Variants in NEK7 observed in about 807,000 individuals in gnomAD.
The protein encoded by NEK7 is serine/threonine-protein kinase Nek7.
Under a neutral mutation model 44.6 loss-of-function variants are expected in NEK7, and 18 were observed. That is an observed-to-expected ratio of 0.40 (90% CI 0.28 to 0.60). NEK7 has a LOEUF of 0.60. Ranked by LOEUF, NEK7 falls within the 20% of genes least tolerant of loss-of-function variation. The pLI is 0.38. For missense variants in NEK7, 256 were observed against 366.5 expected (o/e 0.70, Z 2.46); for synonymous variants, 130 against 121.1 (o/e 1.07, Z -0.48).
chr1:198,157,778 G>A (rs1663959921), intron 1 of NEK7, among the ~76,000 whole-genome samples: 1 of 152,198 alleles, frequency 6.6e-6, no homozygotes, highest in Non-Finnish European at 1.5e-5. Context: ...GGGAGAATCC[G>A]AAGTGGCTTC....
intron 1 of NEK7, among the ~76,000 whole-genome samples, chr1:198,164,380 G>C (rs1037565707): frequency 6.6e-6 from 1 of 152,128 alleles, no homozygotes; most frequent in African/African-American, 2.4e-5. Flanking sequence ...CTATTTGGGG[G>C]ACCCTAGAAC....
chr1:198,206,935 A>G (rs537766547), intron 1 of NEK7: 1 of 152,304 alleles, frequency 6.6e-6, no homozygotes, highest in East Asian at 1.9e-4. Flanking sequence ...TGGCATTTAT[A>G]TGCTTTCAGC....
At chr1:198,279,769 A>C (rs1404901852) in intron 7 of NEK7, among the ~76,000 whole-genome samples, 1 of 152,014 alleles carries the variant, frequency 6.6e-6, no homozygotes, top group Non-Finnish European at 1.5e-5. Context: ...CAAATGAGTT[A>C]TACTAAATAA....
At chr1:198,220,412 A>G (rs1172977978) in intron 1 of NEK7, among the ~76,000 whole-genome samples, 1 of 152,068 alleles carries the variant, frequency 6.6e-6, no homozygotes, top group East Asian at 1.9e-4. Context: ...GTATTAGGTT[A>G]GTTTAATGTG....
In NEK7 at chr1:198,241,504, T is replaced by C. The variant is rs1006601548; in HGVS notation, c.57+8867T>C. 3.3e-5 allele frequency among the ~76,000 whole-genome samples: 5 copies of C among 152,172 alleles called. No individual in the cohort carries two copies. The East Asian group carries it at 5.8e-4, about 18-fold the overall frequency. ...TTAATTTTAGAACCAATAAATGGAA[T>C]GATAAATCAGATTACCTGGAGTGAG... On this transcript the variant is annotated intron_variant, in intron 2 of 9. Transcript: ENST00000367385.
intron 9 of NEK7, among the ~76,000 whole-genome samples, chr1:198,309,843 T>C (rs2103032801): frequency 6.6e-6 from 1 of 152,344 alleles, no homozygotes; most frequent in Middle Eastern, 3.4e-3. Flanking sequence ...CAGTCTATCA[T>C]TGTTGGACAT....
At position 198,218,314 on chromosome 1, in the gene NEK7, T is replaced by A. The variant is rs1665985416; in HGVS notation, c.-28-14239T>A. On this transcript the variant is annotated intron_variant, in intron 1 of 9. Coordinates refer to ENST00000367385, the MANE Select transcript of NEK7 (RefSeq NM_133494.3). ...CGACAAAGAATACAAAAACATAAAT[T>A]GGGAAATAGACACCCTATTTGATAA... Among the ~76,000 whole-genome samples, 5 of 152,058 alleles carry A rather than the reference T, an allele frequency of 3.3e-5. No homozygotes were observed. The South Asian group carries it at 1.0e-3, about 32-fold the overall frequency.
chr1:198,279,573 TC>T (rs1339984247), intron 7 of NEK7, among the ~76,000 whole-genome samples: 1 of 151,920 alleles, frequency 6.6e-6, no homozygotes, highest in Non-Finnish European at 1.5e-5. Context: ...TTATATATTC[TC>T]CTTGTAAATA....
rs888312634 is a variant in NEK7, at chr1:198,157,294, G to A, written c.-29+18G>A. 6.6e-6 allele frequency: 1 copy of A among 152,118 alleles called. No homozygotes were observed. Among genetic ancestry groups the A allele is most frequent in the Non-Finnish European group, 1.5e-5 (1 of 68,020 alleles). The allele number at this position is 152,118 out of a possible 1,614,324, so 9.4% of individuals were successfully genotyped here. On this transcript the variant is annotated intron_variant, in intron 1 of 9. Coordinates refer to ENST00000367385, the MANE Select transcript of NEK7 (RefSeq NM_133494.3). ...ACTTCCTGGTGAGTCGCTGCCCAGGGTTCAGGCGCCCGGACCGGGCAGCTC... is the reference window on the plus strand; with the variant it reads ...ACTTCCTGGTGAGTCGCTGCCCAGGATTCAGGCGCCCGGACCGGGCAGCTC...
chr1:198,228,532 CTT>C (rs200235719), intron 1 of NEK7, among the ~76,000 whole-genome samples: 28,987 of 151,014 alleles, frequency 0.19, 2,903 homozygotes, highest in African/African-American at 0.3. Flanking sequence ...TTTGTATCCT[CTT>C]TTATTTCATT....
intron 9 of NEK7, among the ~76,000 whole-genome samples, chr1:198,312,689 G>T (rs1464646068): frequency 6.6e-6 from 1 of 151,418 alleles, no homozygotes; most frequent in Non-Finnish European, 1.5e-5. Context: ...CCTTCATTTC[G>T]TTATGTACCC....
intron 8 of NEK7, among the ~76,000 whole-genome samples, 163 bp from the exon 9 acceptor site, chr1:198,296,964 T>C (rs1179020191): frequency 6.6e-6 from 1 of 152,220 alleles, no homozygotes; most frequent in Non-Finnish European, 1.5e-5. Context: ...TTTTTAACTC[T>C]TAATAAATTT....
chr1:198,216,792 G>C (rs1168497858), intron 1 of NEK7, among the ~76,000 whole-genome samples: 1 of 151,856 alleles, frequency 6.6e-6, no homozygotes, highest in Non-Finnish European at 1.5e-5. Context: ...AAGATCATTT[G>C]ACATTACTAT....
At chr1:198,256,105 T>C (rs967331578) in intron 3 of NEK7, among the ~76,000 whole-genome samples, 1 of 152,210 alleles carries the variant, frequency 6.6e-6, no homozygotes, top group Non-Finnish European at 1.5e-5. Context: ...TCAAGAACTG[T>C]ATTACTGTTC....
intron 1 of NEK7, among the ~76,000 whole-genome samples, chr1:198,219,785 C>T (rs1391213874): frequency 6.6e-6 from 1 of 151,906 alleles, no homozygotes; most frequent in Non-Finnish European, 1.5e-5. Flanking sequence ...ATGTTTTCTA[C>T]TAAGTGCATT....
chr1:198,206,904 C>G (rs1458073899), intron 1 of NEK7: 2 of 152,044 alleles, frequency 1.3e-5, no homozygotes, highest in Non-Finnish European at 2.9e-5. Flanking sequence ...TCATAGTGGG[C>G]TTAATTTTCT....
intron 2 of NEK7, among the ~76,000 whole-genome samples, chr1:198,234,046 C>T (rs1176562313): frequency 6.6e-6 from 1 of 151,994 alleles, no homozygotes; most frequent in African/African-American, 2.4e-5. Context: ...ATTTTTATCT[C>T]TCTTATTAGG....
intron 2 of NEK7, among the ~76,000 whole-genome samples, chr1:198,246,188 A>G (rs1666830346): frequency 6.6e-6 from 1 of 152,318 alleles, no homozygotes; most frequent in Admixed American, 6.5e-5. Flanking sequence ...ATGATCTCCT[A>G]AAGGAGACCT....
intron 9 of NEK7, among the ~76,000 whole-genome samples, chr1:198,315,313 C>A (rs560170173): frequency 3.8e-4 from 58 of 152,306 alleles, no homozygotes; most frequent in Non-Finnish European, 6.3e-4. Flanking sequence ...GTGCGCGCAC[C>A]CACTGACCTG....
Sources: gnomAD v4.1 joint callset for allele counts (sites outside exome capture counted in the v4.1 genomes callset) on GRCh38, gnomAD v4.1.1 for gene constraint, MANE v1.5 for transcripts, NCBI Gene and HGNC (gene_info 2026-07-23, HGNC 2026-07-21) for gene names.